PPP1R12B: variants seen among roughly 807,000 people sequenced by gnomAD.
The protein encoded by PPP1R12B is myosin phosphatase target subunit 2.
Under a neutral mutation model 126.1 loss-of-function variants are expected in PPP1R12B, and 76 were observed. The ratio of observed to expected loss-of-function variants is 0.60; its 90% CI spans 0.50 to 0.73. The LOEUF (loss-of-function observed/expected upper bound fraction) is 0.73. Among genes scored for constraint, PPP1R12B ranks in the 30% least tolerant of loss-of-function variants. The pLI, the probability that PPP1R12B is intolerant of heterozygous loss-of-function variation, is 0.00. For missense variants in PPP1R12B, 1,052 were observed against 1,205.1 expected, an observed-to-expected ratio of 0.87 and a Z score of 1.88; for synonymous variants, 356 against 434.7, an observed-to-expected ratio of 0.82 and a Z score of 2.25.
In PPP1R12B at chr1:202,355,283, A is replaced by C. The variant is rs369432071; in HGVS notation, c.291+6141A>C. On this transcript the variant is annotated intron_variant, in intron 1 of 23. Transcript: ENST00000608999. ...CTAATATTGAATGTCTAAATGGTAG[A>C]TTGTAAGTCTGTACTAGAGTATATA... Among the ~76,000 whole-genome samples, 45 of 152,288 alleles carry C rather than the reference A, an allele frequency of 3.0e-4. No individual in the cohort carries two copies. The East Asian group carries it at 6.4e-3, about 22-fold the overall frequency.
intron 1 of PPP1R12B, among the ~76,000 whole-genome samples, chr1:202,387,773 A>G (rs1296824314): frequency 3.3e-5 from 5 of 152,344 alleles, no homozygotes; most frequent in South Asian, 2.1e-4. Flanking sequence ...GCAGTTTTCT[A>G]TAATAGATGC....
At chr1:202,437,073 T>TA (rs1670923294) in intron 9 of PPP1R12B, among the ~76,000 whole-genome samples, 1 of 152,176 alleles carries the variant, frequency 6.6e-6, no homozygotes, top group Non-Finnish European at 1.5e-5. Flanking sequence ...TTCATGCCTG[T>TA]AATCACAGCA....
chr1:202,492,577 C>T (rs572094315), intron 14 of PPP1R12B, among the ~76,000 whole-genome samples: 1 of 152,210 alleles, frequency 6.6e-6, no homozygotes, highest in Non-Finnish European at 1.5e-5. Flanking sequence ...TTGGAATATC[C>T]CTATATGATT....
intron 10 of PPP1R12B, chr1:202,438,377 T>C (rs1671115774): frequency 1.4e-6 from 1 of 724,144 alleles, no homozygotes; most frequent in Admixed American, 2.7e-5. Context: ...AGAGGGCCAA[T>C]TCCCGTCCCC....
intron 1 of PPP1R12B, among the ~76,000 whole-genome samples, chr1:202,353,629 T>TGTGTGTGTGTGTGTGTGAGA: frequency 7.2e-6 from 1 of 138,266 alleles, no homozygotes; most frequent in East Asian, 2.2e-4. Flanking sequence ...TGTGTGTGTG[T>TGTGTGTGTGTGTGTGTGAGA]GACAGGGTCT....
intron 2 of PPP1R12B, chr1:202,417,289 T>C: frequency 4.1e-6 from 4 of 985,358 alleles, no homozygotes; most frequent in Non-Finnish European, 4.8e-6. Flanking sequence ...ACTGTTTTTT[T>C]AAAAAAATCA....
intron 1 of PPP1R12B, among the ~76,000 whole-genome samples, chr1:202,373,958 A>G (rs1286816038): frequency 6.6e-6 from 1 of 152,194 alleles, no homozygotes; most frequent in Non-Finnish European, 1.5e-5. Flanking sequence ...TCAAGAAGGT[A>G]TATTAATTTT....
At chr1:202,564,684 T>C (rs1687896451) in intron 21 of PPP1R12B, 137 bp downstream of exon 21, 1 of 591,012 alleles carries the variant, frequency 1.7e-6, no homozygotes, top group Non-Finnish European at 2.9e-6. Context: ...AGAAGCTTCT[T>C]AGATTCTAAT....
chr1:202,567,969 G>A (rs979482477), intron 22 of PPP1R12B, 138 bp downstream of exon 22: 7 of 1,060,798 alleles, frequency 6.6e-6, no homozygotes, highest in Non-Finnish European at 8.2e-6. Flanking sequence ...CCAGCTTGAT[G>A]ATAAATTCTT....
At chr1:202,376,370 C>T (rs2148469493) in intron 1 of PPP1R12B, among the ~76,000 whole-genome samples, 1 of 152,230 alleles carries the variant, frequency 6.6e-6, no homozygotes, top group South Asian at 2.1e-4. Flanking sequence ...GAATTTAGAT[C>T]CTTGACCTTC....
chr1:202,487,457 C>A (rs1286395960), intron 13 of PPP1R12B, among the ~76,000 whole-genome samples: 2 of 151,910 alleles, frequency 1.3e-5, no homozygotes, highest in African/African-American at 4.8e-5. Flanking sequence ...AGATTCCTAG[C>A]CAAAGCATTA....
intron 1 of PPP1R12B, chr1:202,369,403 G>A (rs1399783635): frequency 3.9e-5 from 6 of 152,278 alleles, no homozygotes; most frequent in East Asian, 1.9e-4. Flanking sequence ...AACCACAAGC[G>A]AGTCTTAATT....
chr1:202,454,038 T>TAA (rs776302926), intron 13 of PPP1R12B, among the ~76,000 whole-genome samples: 6 of 152,146 alleles, frequency 3.9e-5, no homozygotes, highest in Non-Finnish European at 7.4e-5. Context: ...AAACTCTCTT[T>TAA]AAAAAATCTT....
intron 1 of PPP1R12B, among the ~76,000 whole-genome samples, chr1:202,353,882 G>C (rs1312369490): frequency 6.6e-6 from 1 of 151,900 alleles, no homozygotes; most frequent in South Asian, 2.1e-4. Context: ...CAAAGTGCTC[G>C]GATTACAAGT....
intron 6 of PPP1R12B, among the ~76,000 whole-genome samples, chr1:202,429,466 C>A (rs1669940864): frequency 6.6e-6 from 1 of 152,186 alleles, no homozygotes; most frequent in African/African-American, 2.4e-5. Context: ...TTCAGTCCTC[C>A]TTTCTCTGCT....
At chr1:202,575,174 C>G in intron 23 of PPP1R12B, 2 of 1,591,746 alleles carry the variant, frequency 1.3e-6, no homozygotes, top group Non-Finnish European at 1.7e-6. Context: ...CCCTCCTCCA[C>G]TACTCCAGGC....
chr1:202,454,992 A>T lies in PPP1R12B; in HGVS notation c.1850+5821A>T, dbSNP rs1673439043. Among the ~76,000 whole-genome samples the T allele has an allele frequency of 1.3e-5, 2 of 152,140 alleles. 1 individual carries two copies. The highest frequency in any genetic ancestry group is 2.9e-5 in the Non-Finnish European group (2 of 68,018). On this transcript the variant is annotated intron_variant, in intron 13 of 23. Transcript: ENST00000608999. ...TCTCATGAGGGTGTGATACTGCTCA[A>T]CCTGAGATCTGCTGGTTAAGTAACA...
rs147482075 is a variant in PPP1R12B at position 202,491,677 on chromosome 1, T to C, written c.1942-1437T>C. ...AAGTTGCTGGAGAGGGGCATAGAAT[T>C]GAAGGTGGGAGAGACAGGAACATAG... On this transcript the variant is annotated intron_variant, in intron 14 of 23. Transcript: ENST00000608999. Among the ~76,000 whole-genome samples, 1,077 of 152,244 alleles carry C rather than the reference T, an allele frequency of 7.1e-3. 13 individuals carry two copies. The highest frequency in any genetic ancestry group is 0.025 in the African/African-American group (1,035 of 41,534).
intron 12 of PPP1R12B, among the ~76,000 whole-genome samples, chr1:202,446,236 C>CTCTCTCTATATA (rs1491246158): frequency 1.6e-4 from 14 of 88,040 alleles, no homozygotes; most frequent in South Asian, 5.7e-4. Context: ...CTCTCTCTCT[C>CTCTCTCTATATA]TATATATATA....
Sources: allele counts gnomAD v4.1 joint callset (sites outside exome capture counted in the v4.1 genomes callset), GRCh38; gene constraint gnomAD v4.1.1; transcripts MANE v1.5; gene names NCBI Gene and HGNC (gene_info 2026-07-23, HGNC 2026-07-21).